UVRAG: variants seen among roughly 807,000 people sequenced by gnomAD.
UVRAG encodes UV radiation resistance-associated gene protein.
A neutral mutation model predicts 78.0 loss-of-function variants in UVRAG; 19 were observed. The observed-to-expected ratio is 0.24, with a 90% CI of 0.17 to 0.36. The LOEUF (loss-of-function observed/expected upper bound fraction) is 0.36. Among genes scored for constraint, UVRAG ranks in the 10% least tolerant of loss-of-function variants. The pLI is 1.00. For missense variants in UVRAG, 740 were observed against 853.8 expected (o/e 0.87, Z 1.66); for synonymous variants, 323 against 324.6 (o/e 1.00, Z 0.05).
chr11:75,849,959 A>G (rs528369199), intron 1 of UVRAG, among the ~76,000 whole-genome samples: 1 of 152,376 alleles, frequency 6.6e-6, no homozygotes, highest in Admixed American at 6.5e-5. Context: ...CAGCCCCTGG[A>G]GAGCCCCCTT....
chr11:76,111,879 C>T (rs935888580), intron 13 of UVRAG, among the ~76,000 whole-genome samples: 1 of 138,470 alleles, frequency 7.2e-6, no homozygotes, highest in Non-Finnish European at 1.5e-5. Flanking sequence ...CCAAAGATTA[C>T]GAGACATTAG....
chr11:76,007,757 T>C, intron 10 of UVRAG, 136 bp downstream of exon 10: 1 of 677,496 alleles, frequency 1.5e-6, no homozygotes. Context: ...AGCTAATGTC[T>C]ATTTAAAACA....
intron 11 of UVRAG, among the ~76,000 whole-genome samples, chr11:76,011,555 CA>C (rs572253743): frequency 7.4e-4 from 112 of 152,310 alleles, no homozygotes; most frequent in African/African-American, 2.6e-3. Context: ...AACCCAGAGG[CA>C]AAGGTTGCAG....
intron 6 of UVRAG, among the ~76,000 whole-genome samples, chr11:75,923,643 T>A (rs1948026453): frequency 6.6e-6 from 1 of 152,182 alleles, no homozygotes; most frequent in Non-Finnish European, 1.5e-5. Context: ...TAGTAAATCA[T>A]CCAGTTCAGG....
chr11:75,876,641 C>T (rs1946787126), intron 3 of UVRAG, among the ~76,000 whole-genome samples: 1 of 150,562 alleles, frequency 6.6e-6, no homozygotes, highest in African/African-American at 2.4e-5. Flanking sequence ...AGGTTATCAT[C>T]ATGTTATTTG....
chr11:75,996,245 C>CA (rs5792707), intron 8 of UVRAG, among the ~76,000 whole-genome samples: 24 of 145,890 alleles, frequency 1.6e-4, no homozygotes, highest in African/African-American at 4.8e-4. Flanking sequence ...GTAACATTTA[C>CA]AAAAAAAAAA....
At chr11:76,033,059 T>C (rs969070786) in intron 12 of UVRAG, among the ~76,000 whole-genome samples, 1 of 152,226 alleles carries the variant, frequency 6.6e-6, no homozygotes, top group Non-Finnish European at 1.5e-5. Flanking sequence ...ACTAATTTGA[T>C]TTAAACAGAG....
chr11:76,076,891 A>G (rs879413947), intron 13 of UVRAG, among the ~76,000 whole-genome samples: 2 of 150,776 alleles, frequency 1.3e-5, no homozygotes, highest in African/African-American at 4.9e-5. Flanking sequence ...GTGGTGTCCA[A>G]CTGTGGTTCC....
rs187754391 is a variant in UVRAG at position 75,945,071 on chromosome 11, A to G, written c.594-16373A>G. Among the ~76,000 whole-genome samples, 530 of 152,304 alleles carry G rather than the reference A, an allele frequency of 3.5e-3. 2 individuals carry two copies. The highest frequency in any genetic ancestry group is 6.9e-3 in the Admixed American group (106 of 15,292). On this transcript the variant is annotated intron_variant, in intron 6 of 14. Transcript: ENST00000356136. The stretch of plus-strand genomic sequence containing the variant: ...AACAATGTTCTCAAGGCAGTTTCCC[A>G]GGAGTTTTTCTACGCTTGATATACA...
chr11:75,861,270 C>T (rs1007645312), intron 2 of UVRAG, among the ~76,000 whole-genome samples: 3 of 152,120 alleles, frequency 2.0e-5, no homozygotes, highest in South Asian at 2.1e-4. Flanking sequence ...TTAAGTCACC[C>T]GGTTGCTAGT....
chr11:75,828,922 T>C (rs1945595734), intron 1 of UVRAG, among the ~76,000 whole-genome samples: 1 of 151,304 alleles, frequency 6.6e-6, no homozygotes, highest in African/African-American at 2.4e-5. Flanking sequence ...GGTTTTGCCA[T>C]GTTGCCCAGG....
intron 5 of UVRAG, among the ~76,000 whole-genome samples, chr11:75,902,480 A>T (rs1164674648): frequency 6.6e-6 from 1 of 152,136 alleles, no homozygotes; most frequent in Non-Finnish European, 1.5e-5. Context: ...AACCCCTGAT[A>T]TAGCTTGTTA....
At position 75,851,603 on chromosome 11, in the gene UVRAG, C is replaced by T. The variant is rs2305951; in HGVS notation, c.118-280C>T. Reference sequence around the variant, plus strand: ...TCCAGGGAATACTAATGCTATTATGCGGGTATATAGCACTTACATAACGTT... The same window carrying T: ...TCCAGGGAATACTAATGCTATTATGTGGGTATATAGCACTTACATAACGTT... On this transcript the variant is annotated intron_variant, in intron 1 of 14. Transcript: ENST00000356136. Among the ~76,000 whole-genome samples, 806 of 152,228 alleles carry T rather than the reference C, an allele frequency of 5.3e-3. 7 individuals carry two copies. Among genetic ancestry groups the T allele is most frequent in the East Asian group, 0.034 (174 of 5,182 alleles).
chr11:76,097,226 C>T (rs1317410374), intron 13 of UVRAG, among the ~76,000 whole-genome samples: 1 of 152,128 alleles, frequency 6.6e-6, no homozygotes, highest in Non-Finnish European at 1.5e-5. Context: ...CATGACTTCT[C>T]TGGGGCACCT....
intron 6 of UVRAG, among the ~76,000 whole-genome samples, chr11:75,940,648 G>T (rs1394259296): frequency 6.6e-6 from 1 of 152,100 alleles, no homozygotes; most frequent in Non-Finnish European, 1.5e-5. Flanking sequence ...GGTTGTAAGG[G>T]GATAGTAATA....
chr11:76,103,473 AATTATTTAC>A (rs1951914361), intron 13 of UVRAG, among the ~76,000 whole-genome samples: 1 of 151,794 alleles, frequency 6.6e-6, no homozygotes, highest in South Asian at 2.1e-4. Context: ...GAGACAAAAC[AATTATTTAC>A]ATTATTTGAA....
chr11:76,010,624 A>C (rs1432054396), intron 11 of UVRAG, among the ~76,000 whole-genome samples: 1 of 152,196 alleles, frequency 6.6e-6, no homozygotes, highest in African/African-American at 2.4e-5. Flanking sequence ...TGGGTAAATC[A>C]TGTAATCTTT....
chr11:76,095,797 A>G (rs529855194), intron 13 of UVRAG, among the ~76,000 whole-genome samples: 7 of 149,926 alleles, frequency 4.7e-5, no homozygotes, highest in South Asian at 2.1e-4. Flanking sequence ...CTTGAGCCCA[A>G]TAGTTTAAGG....
intron 12 of UVRAG, among the ~76,000 whole-genome samples, chr11:76,059,022 C>T (rs1951032234): frequency 6.6e-6 from 1 of 152,062 alleles, no homozygotes; most frequent in Non-Finnish European, 1.5e-5. Context: ...ACTTAGGCCT[C>T]GAAAGGTAGG....
Sources: allele counts gnomAD v4.1 joint callset (sites outside exome capture counted in the v4.1 genomes callset), GRCh38; gene constraint gnomAD v4.1.1; transcripts MANE v1.5; gene names NCBI Gene and HGNC (gene_info 2026-07-23, HGNC 2026-07-21).